Variants in KLRG1 observed in about 807,000 individuals in gnomAD.
KLRG1 encodes killer cell lectin like receptor G1, also known as killer cell lectin-like receptor subfamily G member 1.
In KLRG1, 16 loss-of-function variants were observed where a neutral mutation model predicts 21.8. The ratio of observed to expected loss-of-function variants is 0.73; its 90% CI spans 0.50 to 1.11. KLRG1 has a LOEUF of 1.11. Among genes scored for constraint, KLRG1 ranks in the 50% most tolerant of loss-of-function variants. The probability of loss-of-function intolerance (pLI) is 0.00; values close to 1 mark genes in which losing one functional copy is unlikely to be tolerated. For missense variants in KLRG1, 173 were observed against 218.3 expected (o/e 0.79, Z 1.31); for synonymous variants, 69 against 75.9 (o/e 0.91, Z 0.47).
chr12:9,067,589 T>A, the KLRG1 span: 2 of 584,856 alleles, frequency 3.4e-6, no homozygotes, highest in Non-Finnish European at 6.3e-6. Flanking sequence ...CACTGTATCA[T>A]TTTTTTGTAT....
the KLRG1 span, chr12:9,158,380 TTGA>T: frequency 6.2e-7 from 1 of 1,609,346 alleles, no homozygotes; most frequent in Non-Finnish European, 8.5e-7. Context: ...GGATGTTATG[TTGA>T]TGTGTGTCAG....
At chr12:9,161,126 C>T in the KLRG1 span, 7 of 1,540,354 alleles carry the variant, frequency 4.5e-6, no homozygotes, top group Admixed American at 7.4e-5. Context: ...CCTTTAGAAA[C>T]AGACAGCCCA....
At chr12:9,113,918 A>G in the KLRG1 span, among the ~76,000 whole-genome samples, 1 of 152,246 alleles carries the variant, frequency 6.6e-6, no homozygotes, top group Non-Finnish European at 1.5e-5. Flanking sequence ...TCATGCGGAC[A>G]TTACAAAAAC....
the KLRG1 span, among the ~76,000 whole-genome samples, chr12:9,043,784 A>G: frequency 1.3e-5 from 2 of 152,222 alleles, no homozygotes; most frequent in South Asian, 4.1e-4. Flanking sequence ...TCTGCGGCCA[A>G]TTCAAAGAAA....
the KLRG1 span, among the ~76,000 whole-genome samples, chr12:9,116,771 G>C: frequency 6.6e-6 from 1 of 152,144 alleles, no homozygotes; most frequent in Admixed American, 6.5e-5. Flanking sequence ...AGATTCTAGA[G>C]ATAGGGTGGT....
the KLRG1 span, among the ~76,000 whole-genome samples, chr12:9,061,421 G>A: frequency 2.6e-5 from 4 of 152,170 alleles, no homozygotes; most frequent in East Asian, 7.7e-4. Flanking sequence ...CACCGCACCT[G>A]GCCATTGTGC....
chr12:9,181,906 G>C, the KLRG1 span: 11 of 1,516,904 alleles, frequency 7.3e-6, no homozygotes, highest in Non-Finnish European at 8.9e-6. Context: ...AGTTTTCTCT[G>C]GGGTAAAATA....
chr12:9,057,318 A>T, the KLRG1 span, among the ~76,000 whole-genome samples: 1 of 152,158 alleles, frequency 6.6e-6, no homozygotes, highest in Non-Finnish European at 1.5e-5. Context: ...ATTTGTACAC[A>T]TGGACATAGA....
At chr12:9,142,571 G>A in the KLRG1 span, among the ~76,000 whole-genome samples, 3 of 152,146 alleles carry the variant, frequency 2.0e-5, no homozygotes, top group Non-Finnish European at 4.4e-5. Flanking sequence ...TTTGATTTAA[G>A]CACTTATTTT....
chr12:8,974,989 A>T (rs1315962298), intron 1 of KLRG1, among the ~76,000 whole-genome samples: 1 of 151,654 alleles, frequency 6.6e-6, no homozygotes, highest in African/African-American at 2.4e-5. Flanking sequence ...TCTGCCTCCC[A>T]GATTCAAGCA....
the KLRG1 span, chr12:9,101,456 G>A: frequency 6.2e-7 from 1 of 1,613,202 alleles, no homozygotes; most frequent in East Asian, 2.2e-5. Flanking sequence ...CCAGATAATA[G>A]AAGGAGAGCT....
At chr12:8,979,881 T>C (rs1023735974) in intron 1 of KLRG1, among the ~76,000 whole-genome samples, 1 of 152,138 alleles carries the variant, frequency 6.6e-6, no homozygotes, top group Non-Finnish European at 1.5e-5. Flanking sequence ...ATTCTTCAGC[T>C]CTATAATTTC....
chr12:9,121,112 C>T, the KLRG1 span, among the ~76,000 whole-genome samples: 3 of 152,040 alleles, frequency 2.0e-5, no homozygotes, highest in South Asian at 2.1e-4. This position sits in a 1 kb window ranked among gnomAD's most constrained non-coding sequence, Gnocchi z 4.4. Flanking sequence ...CCTCAAAGTC[C>T]TGGCCTCACG....
chr12:9,085,757 T>A, the KLRG1 span, among the ~76,000 whole-genome samples: 4 of 151,682 alleles, frequency 2.6e-5, no homozygotes, highest in Non-Finnish European at 5.9e-5. Context: ...TTTAGCTAGG[T>A]TAGCTAAGAA....
chr12:8,979,749 C>CT (rs911969736), intron 1 of KLRG1, among the ~76,000 whole-genome samples: 13 of 151,504 alleles, frequency 8.6e-5, no homozygotes, highest in Admixed American at 3.9e-4. Flanking sequence ...CTTTTTCATT[C>CT]TTTTTTTTTC....
the KLRG1 span, chr12:9,093,569 T>C: frequency 1.9e-6 from 3 of 1,591,998 alleles, no homozygotes; most frequent in Non-Finnish European, 2.6e-6. Context: ...CTCTTCCCAT[T>C]ACATCTGACT....
chr12:9,052,912 C>T, the KLRG1 span: 1 of 424,564 alleles, frequency 2.4e-6, no homozygotes, highest in Non-Finnish European at 4.6e-6. Context: ...AAAAATTAAC[C>T]CTTCTATCTC....
At chr12:9,064,231 C>T in the KLRG1 span, 1 of 152,472 alleles carries the variant, frequency 6.6e-6, no homozygotes, top group African/African-American at 2.4e-5. The surrounding 1 kb of genome is among the most constrained non-coding windows in gnomAD (Gnocchi z 4.0). Context: ...GGGCAAATTA[C>T]ATGTCTCTGC....
At chr12:9,029,942 C>T in the KLRG1 span, among the ~76,000 whole-genome samples, 2 of 152,042 alleles carry the variant, frequency 1.3e-5, 1 homozygote, top group Non-Finnish European at 2.9e-5. Flanking sequence ...TTAGCAGAGA[C>T]AGGGTTTCGC....
Sources: allele counts gnomAD v4.1 joint callset (sites outside exome capture counted in the v4.1 genomes callset), GRCh38; gene constraint gnomAD v4.1.1; non-coding constraint Gnocchi (gnomAD v3.1); transcripts MANE v1.5; gene names NCBI Gene and HGNC (gene_info 2026-07-23, HGNC 2026-07-21).